The following SMAD4 variants were observed in gnomAD, a reference collection of about 807,000 sequenced individuals.
SMAD4 encodes MAD homolog 4.
A neutral mutation model predicts 63.2 loss-of-function variants in SMAD4; 7 were observed. That is an observed-to-expected ratio of 0.11 (90% CI 0.06 to 0.21). The LOEUF (loss-of-function observed/expected upper bound fraction) is 0.21. SMAD4 is among the 10% of genes least tolerant of loss of function. The probability of loss-of-function intolerance (pLI) is 1.00; values close to 1 mark genes in which losing one functional copy is unlikely to be tolerated. For missense variants in SMAD4, 312 were observed against 693.8 expected (o/e 0.45, Z 6.18); for synonymous variants, 215 against 235.4 (o/e 0.91, Z 0.79).
At chr18:51,074,453 G>A (rs1225990918) in intron 10 of SMAD4, among the ~76,000 whole-genome samples, 1 of 152,172 alleles carries the variant, frequency 6.6e-6, no homozygotes, top group East Asian at 1.9e-4. Context: ...TCATAAATGT[G>A]TACAAACCCA....
In SMAD4 at chr18:51,059,847, T is replaced by C. The variant is rs2144432969; in HGVS notation, c.905-19T>C. The C allele has an allele frequency of 6.2e-7, 1 of 1,604,348 alleles. No homozygotes were observed. On this transcript the variant is annotated intron_variant, in intron 7 of 11. Coordinates refer to ENST00000342988, the MANE Select transcript of SMAD4 (RefSeq NM_005359.6). ...ACTTTTAGTAAATAAAAATGGAATTTTTGTTGTCTTTTCTTTAGGGCCTGT... is the reference window on the plus strand; with the variant it reads ...ACTTTTAGTAAATAAAAATGGAATTCTTGTTGTCTTTTCTTTAGGGCCTGT...
chr18:51,064,335 G>A (rs1910094677), intron 8 of SMAD4, among the ~76,000 whole-genome samples: 1 of 152,212 alleles, frequency 6.6e-6, no homozygotes, highest in South Asian at 2.1e-4. Flanking sequence ...CCAGTCTGAA[G>A]TGTTCTTCCC....
At chr18:51,061,922 G>T (rs1910024775) in intron 8 of SMAD4, among the ~76,000 whole-genome samples, 1 of 152,014 alleles carries the variant, frequency 6.6e-6, no homozygotes, top group East Asian at 1.9e-4. Flanking sequence ...AAATAGAAGG[G>T]AACATCTTTG....
chr18:51,035,659 T>G (rs1909180823), intron 1 of SMAD4, among the ~76,000 whole-genome samples: 1 of 152,328 alleles, frequency 6.6e-6, no homozygotes, highest in South Asian at 2.1e-4. Flanking sequence ...TTGGGCTTTT[T>G]CTGTCAGGGC....
At chr18:51,060,997 C>A (rs1366898297) in intron 8 of SMAD4, among the ~76,000 whole-genome samples, 1 of 151,836 alleles carries the variant, frequency 6.6e-6, no homozygotes, top group Non-Finnish European at 1.5e-5. Flanking sequence ...TCTTAGCCTC[C>A]CAAAGTGCTG....
At chr18:51,057,911 T>A (rs1416098438) in intron 5 of SMAD4, among the ~76,000 whole-genome samples, 1 of 152,226 alleles carries the variant, frequency 6.6e-6, no homozygotes, top group East Asian at 1.9e-4. Context: ...AGTTAGACAT[T>A]ACCTAAAATG....
rs1375275780 is a variant in SMAD4, at chr18:51,073,453, A to AT, written c.1309-3183dup. 8.1e-4 allele frequency among the ~76,000 whole-genome samples: 117 copies of AT among 144,706 alleles called. 1 individual carries two copies. The highest frequency in any genetic ancestry group is 2.9e-3 in the African/African-American group (111 of 38,924). The allele number at this position is 144,706 out of a possible 152,430, so 94.9% of individuals were successfully genotyped here. A position where few individuals can be genotyped will look rare whatever the true frequency, so the allele number is the denominator to read the frequency against. On this transcript the variant is annotated intron_variant, in intron 10 of 11. Coordinates refer to ENST00000342988, the MANE Select transcript of SMAD4 (RefSeq NM_005359.6). The stretch of plus-strand genomic sequence containing the variant: ...CACACACCATACTTGGTTAGTGATG[A>AT]TTAAAAAAAAGTAGTTGTGGAGACC...
At chr18:51,060,935 C>T (rs892727322) in intron 8 of SMAD4, among the ~76,000 whole-genome samples, 8 of 152,056 alleles carry the variant, frequency 5.3e-5, no homozygotes, top group South Asian at 2.1e-4. Context: ...GATGGGATCT[C>T]GCTATGTTGT....
At position 51,084,637 on chromosome 18, in the gene SMAD4, C is replaced by T. The variant is rs1910704615; in HGVS notation, c.*6170C>T. The stretch of plus-strand genomic sequence containing the variant: ...ACTCACGGGCTTGGATTGATTAAGA[C>T]TAAACATGGAGTTGGCAAACTTTCT... On this transcript the variant is annotated 3_prime_UTR_variant, in exon 12 of 12. Transcript: ENST00000342988. The T allele has an allele frequency of 8.7e-6, 2 of 230,378 alleles. No individual in the cohort carries two copies. Among genetic ancestry groups the T allele is most frequent in the Non-Finnish European group, 1.7e-5 (2 of 116,250 alleles). 14.3% of individuals were successfully genotyped at this position (230,378 alleles called of 1,614,324 possible).
chr18:51,037,918 A>G (rs572872677), intron 1 of SMAD4, among the ~76,000 whole-genome samples: 2 of 152,290 alleles, frequency 1.3e-5, no homozygotes, highest in South Asian at 4.1e-4. Context: ...AACTCCTGTC[A>G]CTATGACTTG....
In SMAD4 at chr18:51,030,326, T is replaced by C. The variant is rs1908997845; in HGVS notation, c.-425T>C. ...AGCCTGCGTTCGCGCCTTCCCGCTC[T>C]CCTCGGGAGGCCCTTCCTGCTCTCC... On this transcript the variant is annotated 5_prime_UTR_variant, in exon 1 of 12. Transcript: ENST00000342988. 1 of 152,500 alleles carries C rather than the reference T, an allele frequency of 6.6e-6. No homozygotes were observed. The highest frequency in any genetic ancestry group is 2.4e-5 in the African/African-American group (1 of 41,396). 9.4% of individuals were successfully genotyped at this position (152,500 alleles called of 1,614,324 possible). A position where few individuals can be genotyped will look rare whatever the true frequency, so the allele number is the denominator to read the frequency against.
At chr18:51,042,224 A>G (rs1315748853) in intron 1 of SMAD4, among the ~76,000 whole-genome samples, 1 of 151,948 alleles carries the variant, frequency 6.6e-6, no homozygotes, top group African/African-American at 2.4e-5. Context: ...ACCTAACTCT[A>G]TAATATATAT....
chr18:51,041,811 C>T (rs772094754), intron 1 of SMAD4, among the ~76,000 whole-genome samples: 22 of 152,302 alleles, frequency 1.4e-4, no homozygotes, highest in Middle Eastern at 3.4e-3. Flanking sequence ...GTATTATATC[C>T]TAAGCAGAAA....
chr18:51,045,786 T>TCCTC (rs1381824419), intron 1 of SMAD4, among the ~76,000 whole-genome samples: 1 of 152,138 alleles, frequency 6.6e-6, no homozygotes, highest in South Asian at 2.1e-4. Flanking sequence ...TAGCAGTCAT[T>TCCTC]CCTCATTCCC....
In SMAD4 at chr18:51,051,691, A is replaced by ATAGG. The variant is rs1362779039; in HGVS notation, c.454+2369_454+2372dup. On this transcript the variant is annotated intron_variant, in intron 4 of 11. Transcript: ENST00000342988. ...AATAAGAGAGTGATAATACCATGAGATAGGTGCTGTGTCCTGGTTGCTGGT... is the reference window on the plus strand; with the variant it reads ...AATAAGAGAGTGATAATACCATGAGATAGGTAGGTGCTGTGTCCTGGTTGCTGGT... Among the ~76,000 whole-genome samples the ATAGG allele has an allele frequency of 3.3e-5, 5 of 152,294 alleles. No homozygotes were observed. The East Asian group carries it at 9.6e-4, about 29-fold the overall frequency.
In SMAD4 at chr18:51,084,020, A is replaced by AGTG. The variant is rs1910683968; in HGVS notation, c.*5553_*5554insGTG. On this transcript the variant is annotated 3_prime_UTR_variant, in exon 12 of 12. Coordinates refer to ENST00000342988, the MANE Select transcript of SMAD4 (RefSeq NM_005359.6). ...CGTGCGCACGCGCGCGCGCACACAC[A>AGTG]CACACACACACACACACACACACAG... 4 of 188,344 alleles carry AGTG rather than the reference A, an allele frequency of 2.1e-5. No individual in the cohort carries two copies. The highest frequency in any genetic ancestry group is 1.1e-4 in the African/African-American group (4 of 36,060). The allele number at this position is 188,344 out of a possible 1,614,324, so 11.7% of individuals were successfully genotyped here.
At chr18:51,047,904 CAGT>C (rs1909594951) in intron 2 of SMAD4, among the ~76,000 whole-genome samples, 1 of 152,166 alleles carries the variant, frequency 6.6e-6, no homozygotes, top group African/African-American at 2.4e-5. Context: ...CCACTGTGCC[CAGT>C]CGTGTTGTTT....
chr18:51,072,035 C>T (rs1276962991), intron 10 of SMAD4, among the ~76,000 whole-genome samples: 1 of 152,106 alleles, frequency 6.6e-6, no homozygotes, highest in Admixed American at 6.5e-5. Flanking sequence ...CACTTTTTGG[C>T]TATGTTATGA....
At chr18:51,047,783 A>G (rs1247021322) in intron 2 of SMAD4, among the ~76,000 whole-genome samples, 2 of 151,838 alleles carry the variant, frequency 1.3e-5, no homozygotes, top group African/African-American at 2.4e-5. Context: ...TAATTTTTGT[A>G]TTTTTAGTAG....
Sources: gnomAD v4.1 joint callset for allele counts (sites outside exome capture counted in the v4.1 genomes callset) on GRCh38, gnomAD v4.1.1 for gene constraint, MANE v1.5 for transcripts, NCBI Gene and HGNC (gene_info 2026-07-23, HGNC 2026-07-21) for gene names.